The following KCNMA1 variants were observed in gnomAD, a reference collection of about 807,000 sequenced individuals.
The protein encoded by KCNMA1 is potassium calcium-activated channel subfamily M alpha 1.
In KCNMA1, 29 loss-of-function variants were observed where a neutral mutation model predicts 140.0. The observed-to-expected ratio is 0.21, with a 90% CI of 0.15 to 0.28. The LOEUF is 0.28. KCNMA1 is among the 10% of genes least tolerant of loss of function. The pLI is 1.00. For missense variants in KCNMA1, 880 were observed against 1,602.2 expected (o/e 0.55, Z 7.70); for synonymous variants, 612 against 611.9 (o/e 1.00, Z 0.00).
chr10:77,007,383 C>T (rs1220848695), intron 18 of KCNMA1, among the ~76,000 whole-genome samples: 1 of 151,992 alleles, frequency 6.6e-6, no homozygotes, highest in East Asian at 1.9e-4. Context: ...AAAAGAAAAA[C>T]TTTGTTGTAA....
At chr10:77,218,756 G>A (rs975057174) in intron 3 of KCNMA1, among the ~76,000 whole-genome samples, 11 of 152,048 alleles carry the variant, frequency 7.2e-5, no homozygotes, top group Non-Finnish European at 1.3e-4. Flanking sequence ...GTGCAATCTC[G>A]GCTCACTGCA....
intron 1 of KCNMA1, among the ~76,000 whole-genome samples, chr10:77,609,873 C>A (rs1415816940): frequency 6.6e-6 from 1 of 152,208 alleles, no homozygotes. Flanking sequence ...AAGGATGGAA[C>A]TCCCCACAGC....
downstream of KCNMA1, among the ~76,000 whole-genome samples, chr10:76,882,429 G>A (rs760173838): frequency 2.0e-5 from 3 of 152,032 alleles, no homozygotes; most frequent in Non-Finnish European, 2.9e-5. Flanking sequence ...TTCCTGTCCC[G>A]CGCTTGTGAT....
chr10:77,516,557 C>T (rs1285178264), intron 1 of KCNMA1, among the ~76,000 whole-genome samples: 4 of 152,214 alleles, frequency 2.6e-5, no homozygotes, highest in Non-Finnish European at 5.9e-5. Flanking sequence ...ACAGTGGTTA[C>T]CCGAATGAAT....
At chr10:76,946,677 A>G (rs561554052) in intron 22 of KCNMA1, among the ~76,000 whole-genome samples, 2 of 152,304 alleles carry the variant, frequency 1.3e-5, no homozygotes, top group East Asian at 3.9e-4. Flanking sequence ...AACAAGTCCA[A>G]CCAACTTCCT....
At chr10:77,303,160 G>C (rs1229583374) in intron 2 of KCNMA1, among the ~76,000 whole-genome samples, 3 of 152,186 alleles carry the variant, frequency 2.0e-5, no homozygotes, top group Non-Finnish European at 2.9e-5. Context: ...ATTTAGAAGA[G>C]TGGACAGAAG....
intron 1 of KCNMA1, among the ~76,000 whole-genome samples, chr10:77,529,847 G>A (rs538384193): frequency 6.6e-6 from 1 of 152,188 alleles, no homozygotes; most frequent in East Asian, 1.9e-4. Context: ...TCCCAGTTTG[G>A]AGTGGACAGC....
chr10:77,482,391 A>G (rs73285173), intron 1 of KCNMA1, among the ~76,000 whole-genome samples: 2,658 of 152,332 alleles, frequency 0.017, 38 homozygotes, highest in Middle Eastern at 0.041. Flanking sequence ...TGGGGACAGG[A>G]GGCTTAGGGC....
chr10:77,476,133 C>T (rs951790309), intron 1 of KCNMA1, among the ~76,000 whole-genome samples: 6 of 152,224 alleles, frequency 3.9e-5, no homozygotes, highest in African/African-American at 1.4e-4. Context: ...ATGAGTCAAG[C>T]TCCTCTCACA....
rs777007748 is a variant in KCNMA1 at position 76,909,956 on chromosome 10, G to A, written c.3147+10C>T. Reference sequence around the variant, plus strand: ...CCCTTGAGTGAGGAGGAGGGAACAGGATAACTCACCGCGCTCATGAGTGAG... The same window carrying A: ...CCCTTGAGTGAGGAGGAGGGAACAGAATAACTCACCGCGCTCATGAGTGAG... On this transcript the variant is annotated intron_variant, in intron 25 of 27. Transcript: ENST00000286628. The A allele has an allele frequency of 6.2e-7, 1 of 1,612,792 alleles. No individual in the cohort carries two copies. The highest frequency in any genetic ancestry group is 1.3e-5 in the African/African-American group (1 of 74,880).
intron 19 of KCNMA1, among the ~76,000 whole-genome samples, chr10:76,991,926 C>T (rs974454935): frequency 3.3e-5 from 5 of 152,144 alleles, no homozygotes; most frequent in African/African-American, 1.2e-4. Context: ...TATGCACTGT[C>T]GATACAGCTG....
At chr10:77,583,913 A>C (rs2154563434) in intron 1 of KCNMA1, among the ~76,000 whole-genome samples, 1 of 152,366 alleles carries the variant, frequency 6.6e-6, no homozygotes, top group Non-Finnish European at 1.5e-5. Context: ...AGGAGGTATA[A>C]CCATATGTAG....
intron 20 of KCNMA1, among the ~76,000 whole-genome samples, chr10:76,961,541 T>C (rs1446763253): frequency 6.6e-6 from 1 of 152,222 alleles, no homozygotes; most frequent in Non-Finnish European, 1.5e-5. Flanking sequence ...TTGACTCCAA[T>C]TTTGAAAGAA....
chr10:76,949,013 G>T (rs2065270996), intron 22 of KCNMA1, 129 bp downstream of exon 22: 8 of 845,960 alleles, frequency 9.5e-6, no homozygotes, highest in Middle Eastern at 2.3e-4. Flanking sequence ...GGGAAGTGCT[G>T]AGTCCTCAGG....
intron 2 of KCNMA1, among the ~76,000 whole-genome samples, chr10:77,338,501 C>T (rs930220347): frequency 2.0e-5 from 3 of 152,198 alleles, no homozygotes; most frequent in Non-Finnish European, 2.9e-5. Context: ...TAAGCCTCTG[C>T]TCCTGCTCTT....
intron 2 of KCNMA1, among the ~76,000 whole-genome samples, chr10:77,302,781 T>C (rs2076836722): frequency 1.3e-5 from 2 of 151,756 alleles, no homozygotes; most frequent in African/African-American, 2.4e-5. Flanking sequence ...AAGGCAACAG[T>C]GTAAAAACCA....
chr10:77,253,293 T>A lies in KCNMA1; in HGVS notation c.541-2037A>T, dbSNP rs1021344459. Among the ~76,000 whole-genome samples, 5 of 152,212 alleles carry A rather than the reference T, an allele frequency of 3.3e-5. No homozygotes were observed. In the East Asian group the frequency reaches 7.7e-4, roughly 23 times the overall value. On this transcript the variant is annotated intron_variant, in intron 2 of 27. Coordinates refer to ENST00000286628, the MANE Select transcript of KCNMA1 (RefSeq NM_001161352.2). ...GTCCATTTGGCTCCCTGTGTGTGTA[T>A]CTGTGAATGCTGAGCATCTGTCAGA... is the stretch of plus-strand genomic sequence containing the variant.
intron 6 of KCNMA1, among the ~76,000 whole-genome samples, chr10:77,115,718 C>T (rs2217895): frequency 0.045 from 6,892 of 152,212 alleles, 190 homozygotes; most frequent in Middle Eastern, 0.1. Flanking sequence ...ATTAGTAGTG[C>T]GTTAGGGAGC....
At chr10:77,079,423 G>T (rs373701405) in intron 13 of KCNMA1, 58 bp downstream of exon 13, 16 of 889,364 alleles carry the variant, frequency 1.8e-5, no homozygotes, top group African/African-American at 1.5e-4. Context: ...TAATGAGGAA[G>T]AAGAGGCTGG....
Sources: gnomAD v4.1 joint callset for allele counts (sites outside exome capture counted in the v4.1 genomes callset) on GRCh38, gnomAD v4.1.1 for gene constraint, MANE v1.5 for transcripts, NCBI Gene and HGNC (gene_info 2026-07-23, HGNC 2026-07-21) for gene names.